Variants in SMYD3 observed in about 807,000 individuals in gnomAD.
SMYD3 encodes histone-lysine N-methyltransferase SMYD3.
In SMYD3, 36 loss-of-function variants were observed where a neutral mutation model predicts 57.7. The ratio of observed to expected loss-of-function variants is 0.62; its 90% confidence interval spans 0.48 to 0.82. The LOEUF (loss-of-function observed/expected upper bound fraction) is 0.82. Among genes scored for constraint, SMYD3 ranks in the 40% least tolerant of loss-of-function variants. The pLI is 0.00. For synonymous variants in SMYD3, 211 were observed against 195.0 expected, an observed-to-expected ratio of 1.08 and a Z score of -0.68; for missense variants, 515 against 538.8, an observed-to-expected ratio of 0.96 and a Z score of 0.44.
rs144618393 is a variant in SMYD3, at chr1:246,019,778, T to C, written c.532-89841A>G. ...AAGGTACTAAATGTAAATATATACA[T>C]ACATATATATAAATGTACATATATA... On this transcript the variant is annotated intron_variant, in intron 5 of 11. Coordinates refer to ENST00000490107, the MANE Select transcript of SMYD3 (RefSeq NM_001167740.2). Among the ~76,000 whole-genome samples, 167 of 152,212 alleles carry C rather than the reference T, an allele frequency of 1.1e-3. 2 individuals are homozygous for C. The highest frequency in any genetic ancestry group is 3.9e-3 in the African/African-American group (163 of 41,532).
chr1:246,210,738 TG>T (rs1572217755), intron 5 of SMYD3, among the ~76,000 whole-genome samples: 1 of 151,920 alleles, frequency 6.6e-6, no homozygotes, highest in South Asian at 2.1e-4. Context: ...AAAACAGAAT[TG>T]GCTCTACAAA....
chr1:246,285,076 T>C (rs1175298765), intron 5 of SMYD3, among the ~76,000 whole-genome samples: 1 of 152,026 alleles, frequency 6.6e-6, no homozygotes, highest in Non-Finnish European at 1.5e-5. Context: ...CCGAGCAATA[T>C]ACACTGAACC....
At chr1:246,215,932 A>C (rs2063156741) in intron 5 of SMYD3, among the ~76,000 whole-genome samples, 1 of 152,162 alleles carries the variant, frequency 6.6e-6, no homozygotes, top group African/African-American at 2.4e-5. Context: ...ATACTCTAAC[A>C]GTCAATAACT....
At chr1:245,822,329 T>C (rs983101946) in intron 10 of SMYD3, among the ~76,000 whole-genome samples, 3 of 138,378 alleles carry the variant, frequency 2.2e-5, no homozygotes, top group African/African-American at 8.2e-5. Flanking sequence ...TTCTCACTCA[T>C]AGGTGGGAAT....
At chr1:246,109,340 A>G (rs2061187089) in intron 5 of SMYD3, among the ~76,000 whole-genome samples, 2 of 152,248 alleles carry the variant, frequency 1.3e-5, no homozygotes, top group African/African-American at 2.4e-5. Flanking sequence ...TCATTACCAT[A>G]TAACTGGACC....
rs547687464 is a variant in SMYD3 at position 245,803,149 on chromosome 1, C to T, written c.1077-39000G>A. ...ATTTAATGGTGAAATTCCGGAATGGCGTGCCGAAACCTCTGACTGTGACAT... is the reference window on the plus strand; with the variant it reads ...ATTTAATGGTGAAATTCCGGAATGGTGTGCCGAAACCTCTGACTGTGACAT... On this transcript the variant is annotated intron_variant, in intron 10 of 11. Coordinates refer to ENST00000490107, the MANE Select transcript of SMYD3 (RefSeq NM_001167740.2). 6.5e-4 allele frequency among the ~76,000 whole-genome samples: 99 copies of T among 152,288 alleles called. 1 individual carries two copies. Among genetic ancestry groups the T allele is most frequent in the African/African-American group, 1.1e-3 (44 of 41,568 alleles).
rs902648944 is a variant in SMYD3, at chr1:245,788,070, G to A, written c.1077-23921C>T. On this transcript the variant is annotated intron_variant, in intron 10 of 11. Transcript: ENST00000490107. ...GGTGAGCAGATTAACACAGGGAACA[G>A]CGCAAGGAGAATGGAGTCTAGATTA... Among the ~76,000 whole-genome samples the A allele has an allele frequency of 9.6e-4, 146 of 151,962 alleles. 1 individual carries two copies. Among genetic ancestry groups the A allele is most frequent in the African/African-American group, 3.5e-3 (144 of 41,366 alleles).
intron 10 of SMYD3, among the ~76,000 whole-genome samples, chr1:245,850,172 T>A (rs909432947): frequency 6.6e-6 from 1 of 152,178 alleles, no homozygotes; most frequent in Non-Finnish European, 1.5e-5. Flanking sequence ...TGGCCAGATG[T>A]AAAGCCACTA....
chr1:245,915,625 GGTA>G lies in SMYD3; in HGVS notation c.715_717del (p.Tyr239del). The G allele has an allele frequency of 3.7e-6, 6 of 1,612,984 alleles. No homozygotes were observed. The highest frequency in any genetic ancestry group is 5.1e-6 in the Non-Finnish European group (6 of 1,179,034). ...TCCTCACTGGTCATCAGCATATCCA[GGTA>G]GCAGATGGTGAGCTGTGCAGGCCAG... is the stretch of plus-strand genomic sequence containing the variant. On this transcript the variant is annotated inframe_deletion, in exon 8 of 12. Transcript: ENST00000490107.
At chr1:245,763,027 G>C (rs998257330) in intron 11 of SMYD3, among the ~76,000 whole-genome samples, 2 of 152,238 alleles carry the variant, frequency 1.3e-5, no homozygotes, top group African/African-American at 2.4e-5. Context: ...AAGTTCTGCT[G>C]AGGTGGGAAG....
intron 2 of SMYD3, among the ~76,000 whole-genome samples, chr1:246,346,565 C>T (rs1341247018): frequency 6.6e-6 from 1 of 152,172 alleles, no homozygotes; most frequent in Non-Finnish European, 1.5e-5. Context: ...ACACATCCTT[C>T]TTCATATGGC....
intron 10 of SMYD3, among the ~76,000 whole-genome samples, chr1:245,803,069 T>C (rs1238115035): frequency 2.0e-5 from 3 of 152,370 alleles, no homozygotes; most frequent in Middle Eastern, 6.8e-3. Flanking sequence ...AGAGAAGCTC[T>C]ACAGCTTCTA....
intron 2 of SMYD3, among the ~76,000 whole-genome samples, chr1:246,348,853 C>A (rs2065772225): frequency 6.6e-6 from 1 of 151,926 alleles, no homozygotes; most frequent in African/African-American, 2.4e-5. Flanking sequence ...CAGCACAAAA[C>A]AGACTAAAAT....
chr1:246,016,303 C>T (rs1422488424), intron 5 of SMYD3, among the ~76,000 whole-genome samples: 1 of 151,794 alleles, frequency 6.6e-6, no homozygotes, highest in Admixed American at 6.6e-5. Flanking sequence ...ACAGAACTGG[C>T]TGGGCGCGGT....
chr1:246,493,705 AC>A (rs968956475), intron 1 of SMYD3, among the ~76,000 whole-genome samples: 14 of 151,574 alleles, frequency 9.2e-5, no homozygotes, highest in African/African-American at 3.2e-4. Context: ...ACCACAGAGC[AC>A]TACTGTCACC....
At chr1:246,159,266 T>C (rs2148190752) in intron 5 of SMYD3, among the ~76,000 whole-genome samples, 1 of 152,320 alleles carries the variant, frequency 6.6e-6, no homozygotes, top group South Asian at 2.1e-4. Context: ...CACAATGCCA[T>C]TAGGGAGCCA....
intron 5 of SMYD3, among the ~76,000 whole-genome samples, chr1:246,069,602 CAAGA>C (rs1292559106): frequency 5.9e-5 from 9 of 152,200 alleles, no homozygotes; most frequent in Non-Finnish European, 1.2e-4. Context: ...AATCCCAAAT[CAAGA>C]AAGAAAGCCA....
chr1:246,131,311 T>C (rs572351348), intron 5 of SMYD3, among the ~76,000 whole-genome samples: 15 of 152,136 alleles, frequency 9.9e-5, no homozygotes, highest in Non-Finnish European at 2.2e-4. Flanking sequence ...ACTGTGTACA[T>C]GGTGGTGGCT....
intron 1 of SMYD3, among the ~76,000 whole-genome samples, chr1:246,386,014 A>G (rs2066472613): frequency 6.6e-6 from 1 of 151,816 alleles, no homozygotes; most frequent in Admixed American, 6.6e-5. Flanking sequence ...TCAGCCTCCC[A>G]AGTAGCTGGG....
Sources: allele counts gnomAD v4.1 joint callset (sites outside exome capture counted in the v4.1 genomes callset), GRCh38; gene constraint gnomAD v4.1.1; transcripts MANE v1.5; gene names NCBI Gene and HGNC (gene_info 2026-07-23, HGNC 2026-07-21).